Variants in SUCLG2 observed in about 807,000 individuals in gnomAD.
The protein encoded by SUCLG2 is succinate-CoA ligase GDP-forming subunit beta.
Under a neutral mutation model 47.9 loss-of-function variants are expected in SUCLG2, and 42 were observed. That is an observed-to-expected ratio of 0.88 (90% CI 0.69 to 1.14). The LOEUF is 1.14. Ranked by LOEUF, SUCLG2 falls within the 50% of genes most tolerant of loss-of-function variation. The probability of loss-of-function intolerance (pLI) is 0.00; values close to 1 mark genes in which losing one functional copy is unlikely to be tolerated. For missense variants in SUCLG2, 571 were observed against 525.9 expected (o/e 1.09, Z -0.84); for synonymous variants, 195 against 197.3 (o/e 0.99, Z 0.10).
At chr3:67,491,305 C>G (rs1705197934) in intron 9 of SUCLG2, among the ~76,000 whole-genome samples, 1 of 148,666 alleles carries the variant, frequency 6.7e-6, no homozygotes, top group Non-Finnish European at 1.5e-5. Context: ...ATGATGGGGA[C>G]TGCATGAGGA....
intron 1 of SUCLG2, among the ~76,000 whole-genome samples, chr3:67,644,000 G>A (rs1474133263): frequency 1.3e-5 from 2 of 152,174 alleles, no homozygotes; most frequent in African/African-American, 4.8e-5. Context: ...GACCTGTGCT[G>A]CATTTGACCC....
chr3:67,390,933 G>A (rs529273367), intron 10 of SUCLG2, among the ~76,000 whole-genome samples: 9 of 152,218 alleles, frequency 5.9e-5, no homozygotes, highest in African/African-American at 2.2e-4. Flanking sequence ...TCTCAGATAT[G>A]TCTGAAGAGG....
chr3:67,487,519 A>C (rs79069033), intron 9 of SUCLG2, among the ~76,000 whole-genome samples: 14 of 58,382 alleles, frequency 2.4e-4, no homozygotes, highest in Non-Finnish European at 2.6e-4. Context: ...CACACACACA[A>C]ACACACACAC....
At chr3:67,502,969 T>C (rs899944499) in intron 7 of SUCLG2, among the ~76,000 whole-genome samples, 33 of 152,258 alleles carry the variant, frequency 2.2e-4, no homozygotes, top group Admixed American at 1.5e-3. Flanking sequence ...AGGCTAAAGA[T>C]TGGTACAGAA....
At chr3:67,487,491 C>G (rs1408824656) in intron 9 of SUCLG2, among the ~76,000 whole-genome samples, 1 of 99,722 alleles carries the variant, frequency 1.0e-5, no homozygotes, top group African/African-American at 4.1e-5. Flanking sequence ...TGATCTCAAA[C>G]ACACATATAC....
intron 5 of SUCLG2, 93 bp from the exon 6 acceptor site, chr3:67,518,429 G>A (rs879693258): frequency 8.4e-7 from 1 of 1,190,908 alleles, no homozygotes. Context: ...ATTTGCAAAT[G>A]AGTAATTAAA....
At position 67,512,564 on chromosome 3, in the gene SUCLG2, C is replaced by CATATATAT. The variant is rs145314149; in HGVS notation, c.661-3662_661-3661insATATATAT. Among the ~76,000 whole-genome samples, 22 of 149,546 alleles carry CATATATAT rather than the reference C, an allele frequency of 1.5e-4. 2 individuals are homozygous for CATATATAT. The highest frequency in any genetic ancestry group is 4.2e-4 in the South Asian group (2 of 4,802). On this transcript the variant is annotated intron_variant, in intron 6 of 10. Transcript: ENST00000307227. ...ACATAATAGAAATAACTTCTGGGTACACATATATATATATATGTATAATCT... is the reference window on the plus strand; with the variant it reads ...ACATAATAGAAATAACTTCTGGGTACATATATATACATATATATATATATGTATAATCT...
chr3:67,538,948 G>C (rs1266942902), intron 2 of SUCLG2, among the ~76,000 whole-genome samples: 2 of 152,148 alleles, frequency 1.3e-5, no homozygotes, highest in Admixed American at 1.3e-4. Context: ...TCAGCTTAAG[G>C]GAATTTTGGG....
At chr3:67,543,727 G>A (rs2107179787) in intron 2 of SUCLG2, among the ~76,000 whole-genome samples, 1 of 152,208 alleles carries the variant, frequency 6.6e-6, no homozygotes, top group Non-Finnish European at 1.5e-5. Context: ...AAGTGGCTAG[G>A]GAGTAGTATT....
intron 2 of SUCLG2, among the ~76,000 whole-genome samples, chr3:67,551,626 C>T (rs145859439): frequency 1.6e-4 from 24 of 152,266 alleles, no homozygotes; most frequent in Admixed American, 4.6e-4. Flanking sequence ...TGGGAAGCAA[C>T]CAGACACTGA....
intron 2 of SUCLG2, among the ~76,000 whole-genome samples, chr3:67,576,921 TTTA>T (rs1017217061): frequency 6.6e-5 from 5 of 75,738 alleles, no homozygotes; most frequent in Non-Finnish European, 1.7e-4. Flanking sequence ...TAATTTTTAT[TTTA>T]TTTTTTTTTA....
intron 2 of SUCLG2, among the ~76,000 whole-genome samples, chr3:67,567,933 G>C (rs1707503190): frequency 6.6e-6 from 1 of 152,224 alleles, no homozygotes; most frequent in Admixed American, 6.5e-5. Context: ...AAAAGATGAT[G>C]ATGACAACGC....
intron 2 of SUCLG2, among the ~76,000 whole-genome samples, chr3:67,598,932 C>G (rs1314677284): frequency 6.6e-6 from 1 of 152,122 alleles, no homozygotes; most frequent in African/African-American, 2.4e-5. Context: ...CAGAGCCCAC[C>G]TTCTTAAATA....
chr3:67,448,400 G>C (rs1436819705), intron 9 of SUCLG2, among the ~76,000 whole-genome samples: 2 of 152,138 alleles, frequency 1.3e-5, no homozygotes, highest in Non-Finnish European at 1.5e-5. Flanking sequence ...ACAGAGAAGA[G>C]TCACACTTAA....
intron 9 of SUCLG2, among the ~76,000 whole-genome samples, chr3:67,461,859 A>T (rs746525634): frequency 1.5e-4 from 23 of 152,108 alleles, no homozygotes; most frequent in Non-Finnish European, 3.1e-4. Flanking sequence ...AAGGGATAAC[A>T]GGCAGGCAAA....
downstream of SUCLG2, among the ~76,000 whole-genome samples, chr3:67,370,065 T>G (rs1030454283): frequency 1.1e-4 from 17 of 152,308 alleles, no homozygotes; most frequent in African/African-American, 3.1e-4. Context: ...TGAATTTCAA[T>G]GTATGCGAAT....
intron 2 of SUCLG2, among the ~76,000 whole-genome samples, chr3:67,602,449 G>A (rs1435518948): frequency 6.6e-6 from 1 of 152,088 alleles, no homozygotes; most frequent in Non-Finnish European, 1.5e-5. Context: ...CAGGTCTCCT[G>A]CAGAGTGGTA....
intron 10 of SUCLG2, among the ~76,000 whole-genome samples, chr3:67,389,674 A>G (rs1393565964): frequency 6.6e-6 from 1 of 151,084 alleles, no homozygotes; most frequent in Non-Finnish European, 1.5e-5. Context: ...AGTTTATCCA[A>G]CCTTAGAGTA....
At chr3:67,442,508 T>G (rs142201639) in intron 9 of SUCLG2, among the ~76,000 whole-genome samples, 1 of 152,336 alleles carries the variant, frequency 6.6e-6, no homozygotes, top group Non-Finnish European at 1.5e-5. Flanking sequence ...CAGGGGATTC[T>G]TATGCACACT....
Sources: allele counts gnomAD v4.1 joint callset (sites outside exome capture counted in the v4.1 genomes callset), GRCh38; gene constraint gnomAD v4.1.1; transcripts MANE v1.5; gene names NCBI Gene and HGNC (gene_info 2026-07-23, HGNC 2026-07-21).